DPP10: variants seen among roughly 807,000 people sequenced by gnomAD.
DPP10 encodes the protein dipeptidyl peptidase like 10.
A neutral mutation model predicts 120.9 loss-of-function variants in DPP10; 33 were observed. The observed-to-expected ratio is 0.27, with a 90% CI of 0.21 to 0.37. DPP10 has a LOEUF of 0.37. DPP10 is among the 10% of genes least tolerant of loss of function. DPP10 has a pLI of 1.00. For synonymous variants in DPP10, 337 were observed against 326.1 expected (o/e 1.03, Z -0.36); for missense variants, 816 against 942.8 (o/e 0.87, Z 1.76).
intron 1 of DPP10, among the ~76,000 whole-genome samples, chr2:114,899,991 G>C (rs1310401806): frequency 6.6e-6 from 1 of 152,120 alleles, no homozygotes; most frequent in Non-Finnish European, 1.5e-5. Flanking sequence ...AGATTTATTC[G>C]TGTTAATTTA....
chr2:115,024,640 T>C (rs568175894), intron 1 of DPP10, among the ~76,000 whole-genome samples: 2 of 150,150 alleles, frequency 1.3e-5, no homozygotes, highest in Non-Finnish European at 3.0e-5. Context: ...TATGTACATA[T>C]ACATACACAC....
intron 1 of DPP10, among the ~76,000 whole-genome samples, chr2:115,007,190 A>G (rs1417593715): frequency 1.3e-5 from 2 of 152,106 alleles, no homozygotes; most frequent in Non-Finnish European, 2.9e-5. Flanking sequence ...ATACTGGCAA[A>G]CCGAATCCAG....
chr2:114,558,181 G>A (rs745442407), intron 1 of DPP10, among the ~76,000 whole-genome samples: 1 of 152,118 alleles, frequency 6.6e-6, no homozygotes, highest in African/African-American at 2.4e-5. Flanking sequence ...CAGAGTGCCC[G>A]GGCGCTCCAG....
At chr2:115,392,163 A>G (rs1024043241) in intron 3 of DPP10, among the ~76,000 whole-genome samples, 4 of 151,726 alleles carry the variant, frequency 2.6e-5, no homozygotes, top group African/African-American at 7.3e-5. Flanking sequence ...TGGGAAATCA[A>G]TTCAAAGTCT....
intron 5 of DPP10, among the ~76,000 whole-genome samples, chr2:115,535,434 G>A (rs182059722): frequency 0.02 from 3,020 of 151,998 alleles, 58 homozygotes; most frequent in Non-Finnish European, 0.029. Flanking sequence ...GATATGTGGC[G>A]TTATTTCTGA....
At chr2:114,584,686 G>T (rs976088716) in intron 1 of DPP10, among the ~76,000 whole-genome samples, 4 of 151,652 alleles carry the variant, frequency 2.6e-5, no homozygotes, top group African/African-American at 9.7e-5. Context: ...AATCAATTAT[G>T]AATATTTACA....
At chr2:115,395,310 A>G (rs1000398076) in intron 3 of DPP10, among the ~76,000 whole-genome samples, 2 of 151,030 alleles carry the variant, frequency 1.3e-5, no homozygotes, top group African/African-American at 4.8e-5. Flanking sequence ...TAAGGATGCC[A>G]GTCAGACTGG....
At chr2:115,384,880 T>C (rs1049661169) in intron 3 of DPP10, among the ~76,000 whole-genome samples, 11 of 152,178 alleles carry the variant, frequency 7.2e-5, no homozygotes, top group African/African-American at 2.7e-4. Flanking sequence ...TTCCCACATA[T>C]TGTGGGAGGG....
intron 1 of DPP10, among the ~76,000 whole-genome samples, chr2:114,999,965 A>G (rs548388333): frequency 6.6e-6 from 1 of 152,240 alleles, no homozygotes; most frequent in Non-Finnish European, 1.5e-5. Context: ...AGGAAATGCT[A>G]TGTACACATG....
chr2:115,455,688 A>G (rs1261672629), intron 3 of DPP10, among the ~76,000 whole-genome samples: 1 of 152,154 alleles, frequency 6.6e-6, no homozygotes, highest in Non-Finnish European at 1.5e-5. Context: ...CTGATCTTTG[A>G]CAAACCTGAC....
At chr2:115,215,658 T>C (rs1404652973) in intron 1 of DPP10, among the ~76,000 whole-genome samples, 1 of 152,194 alleles carries the variant, frequency 6.6e-6, no homozygotes, top group African/African-American at 2.4e-5. Flanking sequence ...ACATCATTGG[T>C]GGGAATATGT....
intron 1 of DPP10, among the ~76,000 whole-genome samples, chr2:114,774,213 A>G (rs1264893096): frequency 6.6e-6 from 1 of 152,096 alleles, no homozygotes; most frequent in Non-Finnish European, 1.5e-5. Flanking sequence ...CATACTTTAT[A>G]GTGATTTAGA....
intron 1 of DPP10, among the ~76,000 whole-genome samples, chr2:114,880,568 G>T (rs1275060040): frequency 2.0e-5 from 3 of 152,016 alleles, no homozygotes; most frequent in Non-Finnish European, 4.4e-5. Flanking sequence ...TCAATGAAAG[G>T]GGAAAAAATC....
chr2:115,780,663 T>G (rs1279737292), intron 15 of DPP10, among the ~76,000 whole-genome samples: 1 of 151,858 alleles, frequency 6.6e-6, no homozygotes, highest in Non-Finnish European at 1.5e-5. Context: ...TACATAATTT[T>G]AATTTTAATA....
At chr2:114,922,598 T>A (rs1695277528) in intron 1 of DPP10, among the ~76,000 whole-genome samples, 1 of 152,160 alleles carries the variant, frequency 6.6e-6, no homozygotes, top group Non-Finnish European at 1.5e-5. Flanking sequence ...AGGTGTGAGC[T>A]ACAGTGCCCA....
Position 115,403,775 on chromosome 2 carries a change from C to T in DPP10, c.271+59863C>T, listed in dbSNP as rs150248010. Among the ~76,000 whole-genome samples the T allele has an allele frequency of 5.2e-3, 794 of 152,102 alleles. 8 individuals carry two copies. The highest frequency in any genetic ancestry group is 0.018 in the African/African-American group (751 of 41,500). On this transcript the variant is annotated intron_variant, in intron 3 of 25. Transcript: ENST00000410059. The stretch of plus-strand genomic sequence containing the variant: ...TTAGGCAATAAAACAAAATAAAAGG[C>T]ATACTAATAGGAGAGAAAAAAGTGA...
chr2:115,811,617 CTT>C (rs1006358230), intron 19 of DPP10, among the ~76,000 whole-genome samples: 1 of 152,182 alleles, frequency 6.6e-6, no homozygotes, highest in African/African-American at 2.4e-5. Flanking sequence ...AAAGTTATAT[CTT>C]TTAAATAAAC....
intron 5 of DPP10, among the ~76,000 whole-genome samples, chr2:115,588,156 C>A (rs1460774271): frequency 6.6e-6 from 1 of 152,058 alleles, no homozygotes. Context: ...TGAATAATTT[C>A]TGCTTATTTG....
intron 1 of DPP10, among the ~76,000 whole-genome samples, chr2:115,025,764 C>CT (rs928603430): frequency 6.6e-6 from 1 of 151,818 alleles, no homozygotes; most frequent in Admixed American, 6.6e-5. Flanking sequence ...TGATGTTGAG[C>CT]TTTTTTTTAT....
Sources: gnomAD v4.1 joint callset for allele counts (sites outside exome capture counted in the v4.1 genomes callset) on GRCh38, gnomAD v4.1.1 for gene constraint, MANE v1.5 for transcripts, NCBI Gene and HGNC (gene_info 2026-07-23, HGNC 2026-07-21) for gene names.